NEMP2: variants seen among roughly 807,000 people sequenced by gnomAD.
The protein encoded by NEMP2 is nuclear envelope integral membrane protein 2, also known as UPF0571 transmembrane protein.
NEMP2 carries 53 observed loss-of-function variants against 54.2 expected under a neutral mutation model. That is an observed-to-expected ratio of 0.98 (90% CI 0.78 to 1.23). NEMP2 has a LOEUF of 1.23. Ranked by LOEUF, NEMP2 falls within the 50% of genes most tolerant of loss-of-function variation. The pLI is 0.00. For missense variants in NEMP2, 455 were observed against 511.3 expected (o/e 0.89, Z 1.06); for synonymous variants, 197 against 190.3 (o/e 1.04, Z -0.29).
At chr2:190,488,621 A>G in the NEMP2 span, 2 of 1,413,048 alleles carry the variant, frequency 1.4e-6, no homozygotes, top group Non-Finnish European at 1.9e-6. The surrounding 1 kb of genome is among the most constrained non-coding windows in gnomAD (Gnocchi z 6.4). Context: ...AAGAAATGCT[A>G]ACCAACTAAT....
chr2:190,632,644 C>T, the NEMP2 span, among the ~76,000 whole-genome samples: 1 of 152,074 alleles, frequency 6.6e-6, no homozygotes, highest in Admixed American at 6.5e-5. This position sits in a 1 kb window ranked among gnomAD's most constrained non-coding sequence, Gnocchi z 4.8. Flanking sequence ...ATTATCCAAC[C>T]ACTTCATCAG....
the NEMP2 span, among the ~76,000 whole-genome samples, chr2:190,579,380 T>C: frequency 1.5e-5 from 2 of 135,588 alleles, no homozygotes; most frequent in Non-Finnish European, 3.2e-5. Context: ...GTGATATGTG[T>C]CATATTATTC....
At chr2:190,534,415 G>A (rs1691284136) in intron 1 of NEMP2, 144 bp downstream of exon 1, 2 of 1,217,356 alleles carry the variant, frequency 1.6e-6, no homozygotes, top group East Asian at 3.4e-5. Context: ...GGGCCTGCCC[G>A]GGAGACCCCA....
In NEMP2 at chr2:190,512,326, C is replaced by T. The variant is rs968057118; in HGVS notation, c.954-1789G>A. Among the ~76,000 whole-genome samples, 1 of 152,114 alleles carries T rather than the reference C, an allele frequency of 6.6e-6. No homozygotes were observed. Among genetic ancestry groups the T allele is most frequent in the African/African-American group, 2.4e-5 (1 of 41,406 alleles). ...TAAATGAGATATTTTGTGTAGGGTT[C>T]TTAGCACTGTAAGTGGCCTATAGTA... On this transcript the variant is annotated intron_variant, in intron 7 of 8. Transcript: ENST00000409150. This position sits in a 1 kb window ranked among gnomAD's most constrained non-coding sequence, Gnocchi z 4.5.
At chr2:190,610,373 T>C in the NEMP2 span, 1 of 152,240 alleles carries the variant, frequency 6.6e-6, no homozygotes, top group Non-Finnish European at 1.5e-5. This position sits in a 1 kb window ranked among gnomAD's most constrained non-coding sequence, Gnocchi z 5.4. Context: ...CAAATACCTA[T>C]GAATTGGGTG....
At position 190,514,435 on chromosome 2, in the gene NEMP2, GA is replaced by G. The variant is rs77528305; in HGVS notation, c.953+17del. 151 of 1,544,290 alleles carry G rather than the reference GA, an allele frequency of 9.8e-5. No individual in the cohort carries two copies. In the East Asian group the frequency reaches 1.6e-3, roughly 16 times the overall value. The stretch of plus-strand genomic sequence containing the variant: ...GCTCAAAATGTCAAATTTGCTGGGG[GA>G]AAAAAATGATACATACCACCTCATA... On this transcript the variant is annotated intron_variant, in intron 7 of 8. Coordinates refer to ENST00000409150, the MANE Select transcript of NEMP2 (RefSeq NM_001142645.2). The surrounding 1 kb of genome is among the most constrained non-coding windows in gnomAD (Gnocchi z 5.7).
chr2:190,443,825 C>A, the NEMP2 span, among the ~76,000 whole-genome samples: 1 of 152,126 alleles, frequency 6.6e-6, no homozygotes, highest in Non-Finnish European at 1.5e-5. The surrounding 1 kb of genome is among the most constrained non-coding windows in gnomAD (Gnocchi z 4.2). Flanking sequence ...GAGGCTGAGG[C>A]AGGAGGATGT....
the NEMP2 span, among the ~76,000 whole-genome samples, chr2:190,460,336 CCATT>C: frequency 6.6e-6 from 1 of 152,062 alleles, no homozygotes; most frequent in Non-Finnish European, 1.5e-5. Context: ...TTTTTTAAGT[CCATT>C]CATTCTTTCA....
At chr2:190,627,701 T>C in the NEMP2 span, among the ~76,000 whole-genome samples, 1 of 152,146 alleles carries the variant, frequency 6.6e-6, no homozygotes, top group African/African-American at 2.4e-5. The surrounding 1 kb of genome is among the most constrained non-coding windows in gnomAD (Gnocchi z 4.4). Flanking sequence ...GCAGAAAACT[T>C]AGAGATGACC....
At chr2:190,444,785 TG>T in the NEMP2 span, 1 of 337,708 alleles carries the variant, frequency 3.0e-6, no homozygotes, top group Non-Finnish European at 4.2e-6. Flanking sequence ...AGTATTAGGG[TG>T]CTAAAACCAT....
the NEMP2 span, among the ~76,000 whole-genome samples, chr2:190,561,131 G>C: frequency 6.6e-6 from 1 of 152,146 alleles, no homozygotes; most frequent in African/African-American, 2.4e-5. The surrounding 1 kb of genome is among the most constrained non-coding windows in gnomAD (Gnocchi z 5.4). Context: ...GCTTGATGCT[G>C]TCTGCTCCCA....
intron 1 of NEMP2, among the ~76,000 whole-genome samples, chr2:190,526,449 A>T (rs1441656005): frequency 6.6e-6 from 1 of 152,242 alleles, no homozygotes; most frequent in East Asian, 1.9e-4. Context: ...ACAGAAACAC[A>T]TTTGTATTTT....
At chr2:190,570,041 TC>T in the NEMP2 span, among the ~76,000 whole-genome samples, 1 of 152,186 alleles carries the variant, frequency 6.6e-6, no homozygotes, top group Non-Finnish European at 1.5e-5. The surrounding 1 kb of genome is among the most constrained non-coding windows in gnomAD (Gnocchi z 5.4). Context: ...GGGTAGGCAG[TC>T]CTCCTGGATC....
At chr2:190,609,352 A>AT in the NEMP2 span, 2 of 152,162 alleles carry the variant, frequency 1.3e-5, no homozygotes, top group Admixed American at 1.3e-4. The surrounding 1 kb of genome is among the most constrained non-coding windows in gnomAD (Gnocchi z 4.7). Flanking sequence ...TGCTGGGGTG[A>AT]TTACCCTTAT....
At chr2:190,480,759 G>C in the NEMP2 span, among the ~76,000 whole-genome samples, 2 of 152,218 alleles carry the variant, frequency 1.3e-5, no homozygotes, top group Non-Finnish European at 2.9e-5. Flanking sequence ...TTGAGTTATA[G>C]GAGAGGTTGA....
At chr2:190,609,730 T>C in the NEMP2 span, 1 of 152,236 alleles carries the variant, frequency 6.6e-6, no homozygotes, top group Admixed American at 6.5e-5. This position sits in a 1 kb window ranked among gnomAD's most constrained non-coding sequence, Gnocchi z 4.7. Flanking sequence ...ATCATGCTTG[T>C]ATATTTATTT....
At chr2:190,567,358 G>A in the NEMP2 span, among the ~76,000 whole-genome samples, 5 of 148,456 alleles carry the variant, frequency 3.4e-5, no homozygotes, top group Admixed American at 2.7e-4. The surrounding 1 kb of genome is among the most constrained non-coding windows in gnomAD (Gnocchi z 4.0). Context: ...GAGAAGAAAT[G>A]GAGGAAAAAG....
At chr2:190,499,421 T>A (rs1056831422), downstream of NEMP2, among the ~76,000 whole-genome samples, 1 of 152,218 alleles carries the variant, frequency 6.6e-6, no homozygotes, top group African/African-American at 2.4e-5. This position sits in a 1 kb window ranked among gnomAD's most constrained non-coding sequence, Gnocchi z 6.0. Context: ...GTTCTACTCA[T>A]GGTTATTTAC....
the NEMP2 span, among the ~76,000 whole-genome samples, chr2:190,483,627 G>T: frequency 3.3e-5 from 5 of 152,190 alleles, no homozygotes; most frequent in Admixed American, 2.6e-4. Context: ...ACGAGGTCAA[G>T]AGATCAAGAC....
Sources: allele counts gnomAD v4.1 joint callset (sites outside exome capture counted in the v4.1 genomes callset), GRCh38; gene constraint gnomAD v4.1.1; non-coding constraint Gnocchi (gnomAD v3.1); transcripts MANE v1.5; gene names NCBI Gene and HGNC (gene_info 2026-07-23, HGNC 2026-07-21).